The following PRUNE2 variants were observed in gnomAD, a reference collection of about 807,000 sequenced individuals.
PRUNE2 encodes prune homolog 2 with BCH domain, also known as protein prune homolog 2.
A neutral mutation model predicts 252.0 loss-of-function variants in PRUNE2; 164 were observed. The observed-to-expected ratio is 0.65, with a 90% CI of 0.57 to 0.74. PRUNE2 has a LOEUF of 0.74. Ranked by LOEUF, PRUNE2 falls within the 30% of genes least tolerant of loss-of-function variation. The pLI is 0.00. For missense variants in PRUNE2, 3,495 were observed against 3,711.0 expected (o/e 0.94, Z 1.51); for synonymous variants, 1,292 against 1,350.2 (o/e 0.96, Z 0.94).
rs1162386020 is a variant in PRUNE2, at chr9:76,855,082, AAT to A, written c.37-876_37-875del. ...TCCATCTCAAAAAAAAAAAAAAAAA[AAT>A]ATATATATATATATATATAGTCACC... On this transcript the variant is annotated intron_variant, in intron 1 of 18. Transcript: ENST00000376718. Among the ~76,000 whole-genome samples, 696 of 109,360 alleles carry A rather than the reference AAT, an allele frequency of 6.4e-3. 23 individuals are homozygous for A. Among genetic ancestry groups the A allele is most frequent in the Middle Eastern group, 0.036 (7 of 192 alleles). The allele number at this position is 109,360 out of a possible 152,430, so 71.7% of individuals were successfully genotyped here. A position where few individuals can be genotyped will look rare whatever the true frequency, so the allele number is the denominator to read the frequency against.
intron 18 of PRUNE2, among the ~76,000 whole-genome samples, chr9:76,616,525 C>A (rs1168757047): frequency 6.6e-6 from 1 of 152,152 alleles, no homozygotes; most frequent in East Asian, 1.9e-4. Context: ...CACCTTGTTT[C>A]ACCATCGGGC....
chr9:76,871,531 G>A (rs994382337), intron 1 of PRUNE2, among the ~76,000 whole-genome samples: 3 of 152,214 alleles, frequency 2.0e-5, no homozygotes, highest in African/African-American at 7.2e-5. Flanking sequence ...GGCCTCCAAG[G>A]CCCTGCTCAG....
intron 6 of PRUNE2, among the ~76,000 whole-genome samples, chr9:76,753,826 G>A (rs1306301371): frequency 6.6e-6 from 1 of 151,856 alleles, no homozygotes; most frequent in African/African-American, 2.4e-5. Context: ...GCTGAGGCAG[G>A]AGAATGGCGT....
chr9:76,896,146 T>C (rs1438716736), intron 1 of PRUNE2, among the ~76,000 whole-genome samples: 1 of 152,218 alleles, frequency 6.6e-6, no homozygotes, highest in African/African-American at 2.4e-5. Context: ...TAAGTCATCA[T>C]CTATTACAGC....
rs1849472975 is a variant in PRUNE2, at chr9:76,656,954, A to C, written c.8277-1452T>G. ...AGACAGACAATAATGTATCAGCAGG[A>C]ACAAGACAACCTGTGCCAAACAGAG... is the stretch of plus-strand genomic sequence containing the variant. On this transcript the variant is annotated intron_variant, in intron 9 of 18. Transcript: ENST00000376718. Among the ~76,000 whole-genome samples the C allele has an allele frequency of 3.3e-5, 5 of 152,356 alleles. No homozygotes were observed. The South Asian group carries it at 1.0e-3, about 32-fold the overall frequency.
intron 6 of PRUNE2, among the ~76,000 whole-genome samples, chr9:76,795,942 T>C (rs979869677): frequency 2.0e-5 from 3 of 152,184 alleles, no homozygotes; most frequent in African/African-American, 7.2e-5. Context: ...TAGATATTGG[T>C]ATTGGGACTA....
intron 6 of PRUNE2, among the ~76,000 whole-genome samples, chr9:76,763,983 G>A (rs1211453123): frequency 6.6e-6 from 1 of 152,196 alleles, no homozygotes; most frequent in African/African-American, 2.4e-5. Flanking sequence ...CTTCACTAGA[G>A]GAGCACCTTA....
chr9:76,731,304 ATC>A lies in PRUNE2; in HGVS notation c.757-17585_757-17584del, dbSNP rs1356233418. Among the ~76,000 whole-genome samples the A allele has an allele frequency of 5.2e-3, 273 of 52,572 alleles. 1 individual carries two copies. Among genetic ancestry groups the A allele is most frequent in the African/African-American group, 0.011 (192 of 16,696 alleles). 34.5% of individuals were successfully genotyped at this position (52,572 alleles called of 152,430 possible). On this transcript the variant is annotated intron_variant, in intron 6 of 18. Transcript: ENST00000376718. ...TCTCTATCTATCTATCTATCTATCT[ATC>A]TATCTATATATATATATATTTTTTT...
intron 9 of PRUNE2, among the ~76,000 whole-genome samples, chr9:76,674,649 C>T: frequency 6.7e-6 from 1 of 148,150 alleles, no homozygotes; most frequent in Admixed American, 6.8e-5. Context: ...CATCACACTA[C>T]CTGACTTCAA....
chr9:76,652,548 A>G lies in PRUNE2; in HGVS notation c.8492T>C (p.Ile2831Thr), dbSNP rs767798751. The G allele has an allele frequency of 8.7e-6, 14 of 1,613,390 alleles. No homozygotes were observed. Among genetic ancestry groups the G allele is most frequent in the African/African-American group, 4.0e-5 (3 of 74,892 alleles). The change falls in exon 11 of 19, where the codon ATT becomes ACT. Residue 2831 changes from isoleucine to threonine, a missense_variant. Physicochemically the swap from Ile to Thr is moderately conservative, Grantham distance 89 (BLOSUM62 -1). Transcript: ENST00000376718. The stretch of plus-strand genomic sequence containing the variant: ...ATCAAGTTCATCCACATTGATGTCA[A>G]TTTCATCTGGACTGTCCAAGTTATC... ...SDDNLDSPDE[I>T]DINVDELDTP...
At chr9:76,897,549 G>C (rs1358642425) in intron 1 of PRUNE2, among the ~76,000 whole-genome samples, 5 of 151,648 alleles carry the variant, frequency 3.3e-5, no homozygotes, top group Non-Finnish European at 5.9e-5. Context: ...AAGTAGCTGG[G>C]ATTATAGATG....
At chr9:76,727,645 C>CT (rs577095894) in intron 6 of PRUNE2, among the ~76,000 whole-genome samples, 2,103 of 72,696 alleles carry the variant, frequency 0.029, 35 homozygotes, top group African/African-American at 0.049. Flanking sequence ...TCTTCTTCTT[C>CT]TTTTTTTTTT....
intron 14 of PRUNE2, among the ~76,000 whole-genome samples, chr9:76,636,961 A>G (rs985329686): frequency 3.6e-5 from 5 of 140,386 alleles, no homozygotes; most frequent in African/African-American, 1.1e-4. Context: ...AACAACAACG[A>G]CAACAACAAA....
rs778075460 is a variant in PRUNE2, at chr9:76,708,280, C to T, written c.3994G>A (p.Gly1332Arg). 6.2e-7 allele frequency: 1 copy of T among 1,613,790 alleles called. No individual in the cohort carries two copies. The highest frequency in any genetic ancestry group is 1.3e-5 in the African/African-American group (1 of 75,016). The change falls in exon 8 of 19, where the codon GGA (glycine) becomes AGA (arginine). Residue 1332 changes from glycine (G) to arginine (R), a missense_variant. Gly to Arg is a moderately radical substitution (Grantham distance 125). Coordinates refer to ENST00000376718, the MANE Select transcript of PRUNE2 (RefSeq NM_015225.3). ...GQSESEKEAQ[G>R]ATDRGHLDEE... The stretch of plus-strand genomic sequence containing the variant: ...TCAAGGTGCCCCCTGTCAGTGGCTC[C>T]CTGGGCTTCCTTCTCACTTTCACTT...
intron 1 of PRUNE2, among the ~76,000 whole-genome samples, chr9:76,859,765 AT>A (rs1260321422): frequency 2.6e-5 from 4 of 151,934 alleles, no homozygotes; most frequent in Admixed American, 6.6e-5. Context: ...CTGGAGTGCA[AT>A]GGCATGATTT....
intron 9 of PRUNE2, chr9:76,692,555 A>G (rs1233529433): frequency 6.0e-6 from 1 of 165,622 alleles, no homozygotes; most frequent in Non-Finnish European, 1.3e-5. Flanking sequence ...AGATCATAAT[A>G]AAATGGACTG....
At chr9:76,699,418 C>A (rs543052410) in intron 9 of PRUNE2, among the ~76,000 whole-genome samples, 35 of 152,080 alleles carry the variant, frequency 2.3e-4, no homozygotes, top group Non-Finnish European at 4.4e-4. Flanking sequence ...TTGAAATAGG[C>A]AGACTTTGAG....
chr9:76,879,903 A>ATTTTTTTTTTTTT (rs71354691), intron 1 of PRUNE2, among the ~76,000 whole-genome samples: 2 of 31,004 alleles, frequency 6.5e-5, no homozygotes, highest in African/African-American at 3.6e-4. Flanking sequence ...ATATATATAT[A>ATTTTTTTTTTTTT]TTTTTTTTTT....
chr9:76,798,740 A>G lies in PRUNE2; in HGVS notation c.756+24892T>C, dbSNP rs183494365. Among the ~76,000 whole-genome samples the G allele has an allele frequency of 1.3e-3, 204 of 152,264 alleles. 1 individual carries two copies. The highest frequency in any genetic ancestry group is 4.5e-3 in the African/African-American group (188 of 41,540). ...ACCACAAGCCTCCCCCATCTTCTCT[A>G]TTATTAGAGCGTCCTTAAGCACACA... On this transcript the variant is annotated intron_variant, in intron 6 of 18. Coordinates refer to ENST00000376718, the MANE Select transcript of PRUNE2 (RefSeq NM_015225.3).
Sources: allele counts gnomAD v4.1 joint callset (sites outside exome capture counted in the v4.1 genomes callset), GRCh38; gene constraint gnomAD v4.1.1; transcripts MANE v1.5; gene names NCBI Gene and HGNC (gene_info 2026-07-23, HGNC 2026-07-21).